The following KLRG1 variants were observed in gnomAD, a reference collection of about 807,000 sequenced individuals.
The protein encoded by KLRG1 is killer cell lectin-like receptor subfamily G member 1.
Under a neutral mutation model 21.8 loss-of-function variants are expected in KLRG1, and 16 were observed. The observed-to-expected ratio is 0.73, with a 90% CI of 0.50 to 1.11. KLRG1 has a LOEUF of 1.11. Ranked by LOEUF, KLRG1 falls within the 50% of genes most tolerant of loss-of-function variation. KLRG1 has a pLI of 0.00. For synonymous variants in KLRG1, 69 were observed against 75.9 expected, an observed-to-expected ratio of 0.91 and a Z score of 0.47; for missense variants, 173 against 218.3, an observed-to-expected ratio of 0.79 and a Z score of 1.31.
chr12:9,005,227 T>G (rs536127965), intron 3 of KLRG1, among the ~76,000 whole-genome samples: 278 of 152,086 alleles, frequency 1.8e-3, no homozygotes, highest in Middle Eastern at 3.4e-3. Context: ...AGGGGAGGGA[T>G]AGCACTAAGA....
rs1205215892 is a variant in KLRG1, at chr12:8,994,104, GC to G, written c.188-1012del. Among the ~76,000 whole-genome samples the G allele has an allele frequency of 3.3e-5, 5 of 152,136 alleles. No individual in the cohort carries two copies. The South Asian group carries it at 1.0e-3, about 32-fold the overall frequency. The stretch of plus-strand genomic sequence containing the variant: ...TTTTGAGACAGTGTCTTGCTCTGTC[GC>G]CCAGGCAGGAGTGCAGTGGTGTGAT... On this transcript the variant is annotated intron_variant, in intron 2 of 4. Transcript: ENST00000356986.
chr12:8,980,923 G>A (rs1027552763), intron 1 of KLRG1, among the ~76,000 whole-genome samples: 2 of 152,170 alleles, frequency 1.3e-5, no homozygotes, highest in Non-Finnish European at 2.9e-5. Flanking sequence ...CACAGCTGAT[G>A]GTATTCCTCT....
At chr12:9,036,253 C>T in the KLRG1 span, 1 of 152,270 alleles carries the variant, frequency 6.6e-6, no homozygotes, top group Non-Finnish European at 1.5e-5. Context: ...TGTGGCCTGA[C>T]TGTGAGGCGG....
At chr12:9,084,665 G>A in the KLRG1 span, among the ~76,000 whole-genome samples, 1 of 152,126 alleles carries the variant, frequency 6.6e-6, no homozygotes, top group Non-Finnish European at 1.5e-5. Flanking sequence ...GTAGTACCAA[G>A]TCATTTTTAA....
At chr12:9,144,308 C>A in the KLRG1 span, among the ~76,000 whole-genome samples, 27 of 152,112 alleles carry the variant, frequency 1.8e-4, no homozygotes, top group Non-Finnish European at 2.8e-4. Context: ...TGAGAGCCCA[C>A]TGGAGAGTAG....
At chr12:8,966,167 C>T (rs941226813) in intron 1 of KLRG1, among the ~76,000 whole-genome samples, 2 of 152,192 alleles carry the variant, frequency 1.3e-5, no homozygotes, top group African/African-American at 4.8e-5. Flanking sequence ...CACTTCCTTA[C>T]ACCTTATACA....
At chr12:9,036,698 A>G in the KLRG1 span, 1 of 263,434 alleles carries the variant, frequency 3.8e-6, no homozygotes, top group Non-Finnish European at 8.0e-6. Flanking sequence ...TAGCAATCAC[A>G]GGAAACAAAA....
In KLRG1 at chr12:9,008,058, C is replaced by T. The variant is rs187693650; in HGVS notation, c.358-917C>T. 8.7e-4 allele frequency among the ~76,000 whole-genome samples: 133 copies of T among 152,280 alleles called. No individual in the cohort carries two copies. The Middle Eastern group carries it at 0.017, about 19-fold the overall frequency. ...CTGTTCTGTTGGGTAACGTGGCACA[C>T]ATAAGTGGTGTAGCCAATTTACCTT... is the stretch of plus-strand genomic sequence containing the variant. On this transcript the variant is annotated intron_variant, in intron 3 of 4. Coordinates refer to ENST00000356986, the MANE Select transcript of KLRG1 (RefSeq NM_005810.4).
At chr12:9,194,215 AC>A in the KLRG1 span, 30 of 1,613,902 alleles carry the variant, frequency 1.9e-5, no homozygotes, top group Admixed American at 1.2e-4. Context: ...GGATGGGCAC[AC>A]CTTTTCCATC....
At chr12:9,115,693 GATA>G in the KLRG1 span, 3 of 1,147,388 alleles carry the variant, frequency 2.6e-6, no homozygotes, top group South Asian at 3.8e-5. Context: ...AAAAAGGAAT[GATA>G]TAAAGAAAAA....
chr12:9,152,868 A>G, the KLRG1 span: 4 of 1,614,148 alleles, frequency 2.5e-6, no homozygotes, highest in Admixed American at 1.7e-5. Context: ...CTTTGTGTCC[A>G]TCGCAAGTTT....
At chr12:9,150,834 CT>C in the KLRG1 span, 3 of 848,314 alleles carry the variant, frequency 3.5e-6, no homozygotes, top group Non-Finnish European at 5.8e-6. Context: ...TTCTTTGACT[CT>C]TTTTCACCAG....
intron 3 of KLRG1, among the ~76,000 whole-genome samples, chr12:9,002,238 C>G (rs971557059): frequency 1.3e-5 from 2 of 152,050 alleles, no homozygotes; most frequent in African/African-American, 4.8e-5. Context: ...GTTGAAATAA[C>G]TTACATACAT....
chr12:9,169,679 C>A, the KLRG1 span: 1 of 1,276,086 alleles, frequency 7.8e-7, no homozygotes, highest in Non-Finnish European at 1.0e-6. Context: ...TAATTATCAC[C>A]AATCTTTTCT....
chr12:9,170,780 G>A, the KLRG1 span, among the ~76,000 whole-genome samples: 4 of 152,160 alleles, frequency 2.6e-5, no homozygotes, highest in South Asian at 2.1e-4. This position sits in a 1 kb window ranked among gnomAD's most constrained non-coding sequence, Gnocchi z 4.6. Context: ...CCTCCTCATC[G>A]AGTGGGACCT....
chr12:9,038,856 G>A, the KLRG1 span, among the ~76,000 whole-genome samples: 4 of 148,856 alleles, frequency 2.7e-5, no homozygotes, highest in East Asian at 7.9e-4. Flanking sequence ...AGTGAGCAGA[G>A]ATCGTGGGCT....
chr12:9,169,393 C>T, the KLRG1 span: 1 of 1,513,012 alleles, frequency 6.6e-7, no homozygotes, highest in Non-Finnish European at 9.0e-7. Context: ...TTCAAAAACT[C>T]ACAAGCCAGC....
At chr12:9,013,834 A>G (rs894850155), downstream of KLRG1, among the ~76,000 whole-genome samples, 1 of 152,216 alleles carries the variant, frequency 6.6e-6, no homozygotes, top group African/African-American at 2.4e-5. Flanking sequence ...TGGGTGGGGC[A>G]TAGCCAAACC....
At chr12:8,968,805 C>T (rs1404723739) in intron 1 of KLRG1, among the ~76,000 whole-genome samples, 1 of 152,050 alleles carries the variant, frequency 6.6e-6, no homozygotes, top group African/African-American at 2.4e-5. Flanking sequence ...TAAAACAATA[C>T]CTGGAAAATC....
Sources: allele counts gnomAD v4.1 joint callset (sites outside exome capture counted in the v4.1 genomes callset), GRCh38; gene constraint gnomAD v4.1.1; non-coding constraint Gnocchi (gnomAD v3.1); transcripts MANE v1.5; gene names NCBI Gene and HGNC (gene_info 2026-07-23, HGNC 2026-07-21).